Variants in TJAP1 observed in about 807,000 individuals in gnomAD.
TJAP1 encodes the protein tight junction associated protein 1, also known as tight junction-associated protein 1.
In TJAP1, 27 loss-of-function variants were observed where a neutral mutation model predicts 42.0. That is an observed-to-expected ratio of 0.64 (90% CI 0.47 to 0.89). The LOEUF (loss-of-function observed/expected upper bound fraction) is 0.89. Ranked by LOEUF, TJAP1 falls within the 40% of genes least tolerant of loss-of-function variation. The probability of loss-of-function intolerance (pLI) is 0.00; values close to 1 mark genes in which losing one functional copy is unlikely to be tolerated. For missense variants in TJAP1, 712 were observed against 726.9 expected (o/e 0.98, Z 0.24); for synonymous variants, 257 against 288.4 (o/e 0.89, Z 1.10).
intron 10 of TJAP1, 105 bp from the exon 11 acceptor site, chr6:43,504,656 G>T (rs1251841864): frequency 2.9e-6 from 4 of 1,385,582 alleles, no homozygotes; most frequent in Admixed American, 3.9e-5. Context: ...GCAGAGTGCT[G>T]AGTACACAGA....
rs1792194485 is a variant in TJAP1, at chr6:43,505,666, G to A, written c.1485G>A (p.Glu495=). ...ACCTGCCTATCAGTCCTGAGGAAGA[G>A]CGCCAGAGCCTGCTGCCCATTAACA... Residue 495 remains glutamate (E), a synonymous_variant, in exon 11 of 11, where the codon GAG becomes GAA. Transcript: ENST00000372449. The surrounding 1 kb of genome is among the most constrained non-coding windows in gnomAD (Gnocchi z 5.5). 2 of 1,609,818 alleles carry A rather than the reference G, an allele frequency of 1.2e-6. No individual in the cohort carries two copies. The highest frequency in any genetic ancestry group is 1.7e-6 in the Non-Finnish European group (2 of 1,177,260).
chr6:43,503,578 T>G, intron 9 of TJAP1, 45 bp from the exon 10 acceptor site: 1 of 1,612,000 alleles, frequency 6.2e-7, no homozygotes, highest in Non-Finnish European at 8.5e-7. Flanking sequence ...CCCTGCTTCC[T>G]TGGAGAGGGC....
chr6:43,503,392 G>C lies in TJAP1; in HGVS notation c.388-9G>C, dbSNP rs1436893344. 3 of 1,610,492 alleles carry C rather than the reference G, an allele frequency of 1.9e-6. No homozygotes were observed. The highest frequency in any genetic ancestry group is 4.5e-5 in the East Asian group (2 of 44,894). ...TGTGGGCTGGGTTAACCTCAAGTCT[G>C]TGCTTCAGATCAAGAAGGCTGAGAT... is the stretch of plus-strand genomic sequence containing the variant. On this transcript the variant is annotated splice_polypyrimidine_tract_variant and intron_variant, in intron 8 of 10. Coordinates refer to ENST00000372449, the Ensembl canonical transcript of TJAP1.
intron 6 of TJAP1, among the ~76,000 whole-genome samples, chr6:43,502,076 A>ACTCTCTCT (rs529451483): frequency 2.8e-4 from 19 of 68,956 alleles, no homozygotes; most frequent in East Asian, 3.7e-4. Flanking sequence ...ACACACACAC[A>ACTCTCTCT]CTCTCTCTCT....
At chr6:43,501,584 A>G (rs1790543178) in exon 6 of TJAP1, 7 of 1,614,100 alleles carry the variant, frequency 4.3e-6, no homozygotes, top group Non-Finnish European at 5.1e-6. Context: ...CACCAGACGC[A>G]CTGAGGCCCT....
At chr6:43,504,580 C>G (rs1257446105) in intron 10 of TJAP1, 181 bp from the exon 11 acceptor site, 9 of 787,224 alleles carry the variant, frequency 1.1e-5, no homozygotes, top group Non-Finnish European at 1.6e-5. Context: ...TTGTCTTCCC[C>G]TCTCCAGGCC....
At chr6:43,503,406 G>A in exon 9 of TJAP1, 7 of 1,613,498 alleles carry the variant, frequency 4.3e-6, no homozygotes, top group Non-Finnish European at 5.9e-6. Context: ...TTCAGATCAA[G>A]AAGGCTGAGA....
In TJAP1 at chr6:43,491,184, C is replaced by T. The variant is rs949571305; in HGVS notation, c.-121-6697C>T. On this transcript the variant is annotated intron_variant, in intron 2 of 10. Coordinates refer to ENST00000372449, the Ensembl canonical transcript of TJAP1. The surrounding 1 kb of genome is among the most constrained non-coding windows in gnomAD (Gnocchi z 4.6). ...GAGAGGGTGTGTTATGGGCCCGGAGCGAGGAGGATAGCACTCCTGAGCGGG... is the reference window on the plus strand; with the variant it reads ...GAGAGGGTGTGTTATGGGCCCGGAGTGAGGAGGATAGCACTCCTGAGCGGG... Among the ~76,000 whole-genome samples, 15 of 149,994 alleles carry T rather than the reference C, an allele frequency of 1.0e-4. No homozygotes were observed. Among genetic ancestry groups the T allele is most frequent in the East Asian group, 3.9e-4 (2 of 5,106 alleles).
intron 2 of TJAP1, among the ~76,000 whole-genome samples, chr6:43,482,135 G>A (rs1318128821): frequency 2.6e-5 from 4 of 152,190 alleles, no homozygotes; most frequent in South Asian, 4.1e-4. Flanking sequence ...GGCAGTCAGC[G>A]TGCTGAAACG....
intron 2 of TJAP1, among the ~76,000 whole-genome samples, chr6:43,485,752 A>G (rs1786319099): frequency 6.6e-6 from 1 of 152,178 alleles, no homozygotes; most frequent in African/African-American, 2.4e-5. Context: ...AATGTTGGTT[A>G]CTGTGTGACC....
intron 6 of TJAP1, among the ~76,000 whole-genome samples, chr6:43,502,072 ACACACTCTCT>A (rs1346778284): frequency 8.5e-6 from 1 of 117,162 alleles, no homozygotes; most frequent in African/African-American, 4.6e-5. Context: ...ACACACACAC[ACACACTCTCT>A]CTCTCTCTCT....
At chr6:43,504,683 A>G in intron 10 of TJAP1, 78 bp from the exon 11 acceptor site, 1 of 1,541,752 alleles carries the variant, frequency 6.5e-7, no homozygotes, top group Non-Finnish European at 8.8e-7. Flanking sequence ...TAAAGGTGGG[A>G]GCCATTACTT....
At chr6:43,499,269 T>A in intron 4 of TJAP1, 169 bp downstream of exon 4, 1 of 955,752 alleles carries the variant, frequency 1.0e-6, no homozygotes, top group Non-Finnish European at 1.5e-6. Flanking sequence ...GGGGGTAATG[T>A]AGGCTCAAGG....
chr6:43,481,075 GT>G lies in TJAP1; in HGVS notation c.-122+2846del, dbSNP rs150273574. 4.7e-4 allele frequency among the ~76,000 whole-genome samples: 71 copies of G among 152,170 alleles called. 1 individual carries two copies. The East Asian group carries it at 0.013, about 28-fold the overall frequency. ...TTTGACTATATCCTGGTTCATGTTT[GT>G]TTGTCAGGATGGTTAAATGTATATC... On this transcript the variant is annotated intron_variant, in intron 2 of 10. Coordinates refer to ENST00000372449, the Ensembl canonical transcript of TJAP1.
intron 2 of TJAP1, among the ~76,000 whole-genome samples, chr6:43,483,485 G>C (rs1785758181): frequency 6.6e-6 from 1 of 152,194 alleles, no homozygotes; most frequent in Non-Finnish European, 1.5e-5. Context: ...TTGGTCCCCT[G>C]CAGCACTTTC....
chr6:43,504,611 G>A, intron 10 of TJAP1, 150 bp from the exon 11 acceptor site: 1 of 987,300 alleles, frequency 1.0e-6, no homozygotes, highest in Non-Finnish European at 1.5e-6. Context: ...TGAAGTGAGG[G>A]TATACACACT....
chr6:43,484,725 C>CTGTT (rs113734651), intron 2 of TJAP1, among the ~76,000 whole-genome samples: 19,606 of 151,818 alleles, frequency 0.13, 3,073 homozygotes, highest in African/African-American at 0.38. Flanking sequence ...CTCCCCATCT[C>CTGTT]TGTTTGTTTG....
At chr6:43,502,538 C>T (rs1004110687) in intron 7 of TJAP1, 50 bp from the exon 8 acceptor site, 2 of 1,549,728 alleles carry the variant, frequency 1.3e-6, no homozygotes, top group East Asian at 4.9e-5. Context: ...TCTCTTCTTT[C>T]CTCGTCTCCC....
chr6:43,497,352 TCTC>T (rs1263364206), intron 2 of TJAP1: 1 of 152,222 alleles, frequency 6.6e-6, no homozygotes, highest in African/African-American at 2.4e-5. Context: ...TCAGATTTCT[TCTC>T]CTAGCCCTAT....
Sources: allele counts gnomAD v4.1 joint callset (sites outside exome capture counted in the v4.1 genomes callset), GRCh38; gene constraint gnomAD v4.1.1; non-coding constraint Gnocchi (gnomAD v3.1); transcripts MANE v1.5; gene names NCBI Gene and HGNC (gene_info 2026-07-23, HGNC 2026-07-21).